Variants in MMP26 observed in about 807,000 individuals in gnomAD.
MMP26 encodes matrix metalloproteinase-26.
MMP26 carries 33 observed loss-of-function variants against 31.0 expected under a neutral mutation model. The ratio of observed to expected loss-of-function variants is 1.06; its 90% confidence interval spans 0.81 to 1.42. The LOEUF is 1.42. Among genes scored for constraint, MMP26 ranks in the 40% most tolerant of loss-of-function variants. The pLI is 0.00. For missense variants in MMP26, 347 were observed against 316.1 expected (o/e 1.10, Z -0.74); for synonymous variants, 122 against 114.9 (o/e 1.06, Z -0.40).
At chr11:4,733,953 C>G (rs965210620) in intron 1 of MMP26, among the ~76,000 whole-genome samples, 2 of 152,058 alleles carry the variant, frequency 1.3e-5, no homozygotes, top group African/African-American at 4.8e-5. Flanking sequence ...TGTTCTTTAT[C>G]CTATTCATTG....
At chr11:4,986,123 C>G (rs1189346414) in intron 2 of MMP26, among the ~76,000 whole-genome samples, 1 of 152,044 alleles carries the variant, frequency 6.6e-6, no homozygotes, top group East Asian at 1.9e-4. Context: ...TGAAGTATTT[C>G]GTTAATAGAT....
chr11:4,844,219 G>A (rs1849836727), intron 2 of MMP26, among the ~76,000 whole-genome samples: 2 of 152,028 alleles, frequency 1.3e-5, no homozygotes, highest in South Asian at 2.1e-4. Flanking sequence ...ATTGAACCAC[G>A]AAGAAATCCA....
chr11:4,881,938 C>A (rs1489651531), intron 2 of MMP26: 3 of 1,613,660 alleles, frequency 1.9e-6, no homozygotes, highest in African/African-American at 1.3e-5. Flanking sequence ...CTTCCTCAAA[C>A]TTCCTCCTCA....
intron 2 of MMP26, chr11:4,946,395 G>A (rs1431320765): frequency 6.2e-7 from 1 of 1,613,534 alleles, no homozygotes; most frequent in Non-Finnish European, 8.5e-7. Context: ...AGAGCCTTAA[G>A]CTGCTCCTTT....
chr11:4,882,724 T>C, intron 2 of MMP26: 1 of 1,613,958 alleles, frequency 6.2e-7, no homozygotes, highest in Non-Finnish European at 8.5e-7. Flanking sequence ...GGGTGCTCTG[T>C]AGCACTTTGG....
At chr11:4,917,414 T>G (rs1851113727) in intron 2 of MMP26, among the ~76,000 whole-genome samples, 1 of 152,202 alleles carries the variant, frequency 6.6e-6, no homozygotes, top group East Asian at 1.9e-4. Flanking sequence ...AGATAATAAT[T>G]CAGTGTCAAG....
chr11:4,989,532 A>G (rs1846960756), intron 3 of MMP26, 116 bp from the exon 4 acceptor site: 2 of 724,024 alleles, frequency 2.8e-6, no homozygotes, highest in African/African-American at 3.5e-5. Flanking sequence ...GAGACTTAGG[A>G]AGGCCAGACT....
intron 2 of MMP26, chr11:4,769,142 C>T: frequency 6.2e-7 from 1 of 1,612,494 alleles, no homozygotes; most frequent in South Asian, 1.1e-5. Flanking sequence ...CAAGGACAGG[C>T]TCAGCATGTG....
intron 2 of MMP26, chr11:4,907,293 G>C: frequency 2.1e-6 from 2 of 972,468 alleles, no homozygotes; most frequent in Non-Finnish European, 1.6e-6. Context: ...TCACAAAACT[G>C]AGTTTTAACC....
intron 1 of MMP26, chr11:4,719,680 G>C (rs1274396827): frequency 6.6e-6 from 1 of 152,180 alleles, no homozygotes; most frequent in Non-Finnish European, 1.5e-5. Context: ...ATACAACTTA[G>C]TTTGAAGTAA....
chr11:4,989,927 T>G, intron 4 of MMP26, 59 bp downstream of exon 4: 1 of 1,397,626 alleles, frequency 7.2e-7, no homozygotes, highest in Non-Finnish European at 9.9e-7. Flanking sequence ...AAGGGCTTTC[T>G]ACCAGGTCTC....
At chr11:4,797,185 C>A (rs1564911747) in intron 2 of MMP26, among the ~76,000 whole-genome samples, 1 of 152,112 alleles carries the variant, frequency 6.6e-6, no homozygotes, top group East Asian at 1.9e-4. Context: ...AGTTGAGAAA[C>A]AATTACAAAA....
rs368607652 is a variant in MMP26 at position 4,821,298 on chromosome 11, T to A, written c.-145+53957T>A. The stretch of plus-strand genomic sequence containing the variant: ...GAAGCTAAAAAGAAAATTCAAGTTC[T>A]TTGAAAATTAGAAATAATAACTCAG... On this transcript the variant is annotated intron_variant, in intron 2 of 7. Coordinates refer to ENST00000380390, the MANE Select transcript of MMP26 (RefSeq NM_021801.5). 91 of 1,139,534 alleles carry A rather than the reference T, an allele frequency of 8.0e-5. 2 individuals carry two copies. The East Asian group carries it at 1.3e-3, about 17-fold the overall frequency. The allele number at this position is 1,139,534 out of a possible 1,614,324, so 70.6% of individuals were successfully genotyped here. A position where few individuals can be genotyped will look rare whatever the true frequency, so the allele number is the denominator to read the frequency against.
At chr11:4,745,518 G>A (rs1046884912) in intron 1 of MMP26, among the ~76,000 whole-genome samples, 2 of 152,070 alleles carry the variant, frequency 1.3e-5, no homozygotes, top group African/African-American at 2.4e-5. Flanking sequence ...GCCTCCCAGC[G>A]CCACATGCAC....
rs776639921 is a variant in MMP26 at position 4,946,464 on chromosome 11, T to A, written c.-144-41604T>A. Reference sequence around the variant, plus strand: ...AGGGTGTAAGACACAGCAATGAGAATAAAGTCTACCATAAGGCAGAGTGCT... The same window carrying A: ...AGGGTGTAAGACACAGCAATGAGAAAAAAGTCTACCATAAGGCAGAGTGCT... On this transcript the variant is annotated intron_variant, in intron 2 of 7. Transcript: ENST00000380390. 89 of 1,609,614 alleles carry A rather than the reference T, an allele frequency of 5.5e-5. No homozygotes were observed. Among genetic ancestry groups the A allele is most frequent in the Non-Finnish European group, 7.1e-5 (84 of 1,176,840 alleles).
chr11:4,788,023 A>C (rs957843439), intron 2 of MMP26, among the ~76,000 whole-genome samples: 2 of 152,176 alleles, frequency 1.3e-5, no homozygotes, highest in African/African-American at 4.8e-5. Context: ...TCAAAATCCC[A>C]TGCTCTTCCT....
chr11:4,719,972 A>G (rs988300653), intron 1 of MMP26, among the ~76,000 whole-genome samples: 2 of 152,246 alleles, frequency 1.3e-5, no homozygotes, highest in Non-Finnish European at 2.9e-5. Flanking sequence ...GTGCATTAAC[A>G]ATTTCAAATT....
At chr11:4,836,187 C>A (rs1350954045) in intron 2 of MMP26, among the ~76,000 whole-genome samples, 1 of 151,950 alleles carries the variant, frequency 6.6e-6, no homozygotes, top group Non-Finnish European at 1.5e-5. Context: ...CTTTACATCT[C>A]ATATTAAGTA....
intron 2 of MMP26, among the ~76,000 whole-genome samples, chr11:4,846,732 A>G (rs11034203): frequency 0.23 from 35,755 of 152,154 alleles, 4,852 homozygotes; most frequent in South Asian, 0.34. Context: ...AAGTTAGTCA[A>G]TTATTGTGCT....
Sources: allele counts gnomAD v4.1 joint callset (sites outside exome capture counted in the v4.1 genomes callset), GRCh38; gene constraint gnomAD v4.1.1; transcripts MANE v1.5; gene names NCBI Gene and HGNC (gene_info 2026-07-23, HGNC 2026-07-21).